The following CCSER2 variants were observed in gnomAD, a reference collection of about 807,000 sequenced individuals.
CCSER2 encodes the protein serine-rich coiled-coil domain-containing protein 2.
In CCSER2, 46 loss-of-function variants were observed where a neutral mutation model predicts 92.3. That is an observed-to-expected ratio of 0.50 (90% CI 0.39 to 0.64). CCSER2 has a LOEUF of 0.64. CCSER2 is among the 30% of genes least tolerant of loss of function. The pLI, the probability that CCSER2 is intolerant of heterozygous loss-of-function variation, is 0.00. For synonymous variants in CCSER2, 433 were observed against 431.4 expected (o/e 1.00, Z -0.04); for missense variants, 1,244 against 1,238.9 (o/e 1.00, Z -0.06).
At chr10:84,463,834 C>G (rs1223008433) in intron 6 of CCSER2, 99 bp from the exon 7 acceptor site, 3 of 740,706 alleles carry the variant, frequency 4.1e-6, no homozygotes, top group Non-Finnish European at 6.8e-6. Flanking sequence ...AGCATTTGGT[C>G]TTCACCATGC....
chr10:84,436,888 A>G (rs1407408305), intron 5 of CCSER2, among the ~76,000 whole-genome samples: 1 of 152,202 alleles, frequency 6.6e-6, no homozygotes, highest in Admixed American at 6.5e-5. Context: ...AGATGTGGGA[A>G]TATTTGTTAA....
At chr10:84,469,022 G>C (rs1316005320) in intron 7 of CCSER2, among the ~76,000 whole-genome samples, 4 of 152,074 alleles carry the variant, frequency 2.6e-5, no homozygotes, top group Non-Finnish European at 5.9e-5. Context: ...ATATTTGTGA[G>C]AACTGGCTAC....
chr10:84,454,011 G>A (rs895224160), intron 6 of CCSER2, among the ~76,000 whole-genome samples: 3 of 152,126 alleles, frequency 2.0e-5, no homozygotes, highest in Admixed American at 2.0e-4. Context: ...TTTTAGAGCT[G>A]CCATAACAGA....
chr10:84,408,946 C>CA (rs1842507854), intron 3 of CCSER2, among the ~76,000 whole-genome samples: 1 of 151,702 alleles, frequency 6.6e-6, no homozygotes, highest in African/African-American at 2.4e-5. Context: ...TACTGTAAAT[C>CA]AAAAAAATAA....
rs138838643 is a variant in CCSER2, at chr10:84,387,189, C to G, written c.1614+13374C>G. 2.4e-3 allele frequency among the ~76,000 whole-genome samples: 363 copies of G among 152,220 alleles called. 1 individual carries two copies. The highest frequency in any genetic ancestry group is 8.4e-3 in the African/African-American group (347 of 41,542). On this transcript the variant is annotated intron_variant, in intron 3 of 9. Coordinates refer to ENST00000372088, the MANE Select transcript of CCSER2 (RefSeq NM_001284240.2). ...GATTATTTATATTTTTCTTAATGCT[C>G]CCATCTATTCCTCCTTTAAGGCTGT...
At chr10:84,442,048 G>A (rs973235013) in intron 6 of CCSER2, among the ~76,000 whole-genome samples, 4 of 152,000 alleles carry the variant, frequency 2.6e-5, no homozygotes, top group African/African-American at 4.8e-5. Flanking sequence ...GAACCACCAC[G>A]CCTAGCCAAA....
chr10:84,414,618 T>C (rs1457147111), intron 3 of CCSER2, among the ~76,000 whole-genome samples: 1 of 152,040 alleles, frequency 6.6e-6, no homozygotes, highest in Non-Finnish European at 1.5e-5. Context: ...ATCTGATGTT[T>C]ATGTGTCTTG....
At chr10:84,455,884 A>G (rs1328315839) in intron 6 of CCSER2, 12 of 706,104 alleles carry the variant, frequency 1.7e-5, no homozygotes, top group East Asian at 1.7e-4. Context: ...CTGGCTTTTC[A>G]TTATCAAGAA....
At position 84,423,818 on chromosome 10, in the gene CCSER2, A is replaced by G. The variant is rs1843277536; in HGVS notation, c.1706-1913A>G. ...ATATAATACAAATATGAATTTATAT[A>G]TGATGTTGCTAAAGGCACTAAGCTA... is the stretch of plus-strand genomic sequence containing the variant. On this transcript the variant is annotated intron_variant, in intron 4 of 9. Coordinates refer to ENST00000372088, the MANE Select transcript of CCSER2 (RefSeq NM_001284240.2). 2.6e-5 allele frequency among the ~76,000 whole-genome samples: 4 copies of G among 152,192 alleles called. No homozygotes were observed. The South Asian group carries it at 8.3e-4, about 32-fold the overall frequency.
intron 9 of CCSER2, among the ~76,000 whole-genome samples, chr10:84,501,563 A>G (rs1259893952): frequency 6.6e-6 from 1 of 151,818 alleles, no homozygotes; most frequent in Non-Finnish European, 1.5e-5. Context: ...GTTTATTTGT[A>G]TAGCATTAGA....
At chr10:84,483,858 TCACTGCAA>T (rs1424173221) in intron 9 of CCSER2, among the ~76,000 whole-genome samples, 1 of 144,910 alleles carries the variant, frequency 6.9e-6, no homozygotes, top group Non-Finnish European at 1.5e-5. Context: ...TGATCTCAGC[TCACTGCAA>T]CATCTGCCTC....
Position 84,501,822 on chromosome 10 carries a change from G to GAAAA in CCSER2, c.2326-11617_2326-11614dup, listed in dbSNP as rs11461623. ...AGTTTGGATGTATTAGTCATCTAGGGAAAAAAAAAAAAATATATATATATA... is the reference window on the plus strand; with the variant it reads ...AGTTTGGATGTATTAGTCATCTAGGGAAAAAAAAAAAAAAAAATATATATATATA... On this transcript the variant is annotated intron_variant, in intron 9 of 9. Transcript: ENST00000372088. Among the ~76,000 whole-genome samples, 196 of 28,934 alleles carry GAAAA rather than the reference G, an allele frequency of 6.8e-3. 5 individuals are homozygous for GAAAA. The highest frequency in any genetic ancestry group is 0.021 in the Admixed American group (35 of 1,654). The allele number at this position is 28,934 out of a possible 152,430, so 19.0% of individuals were successfully genotyped here.
chr10:84,438,641 G>C lies in CCSER2; in HGVS notation c.1998G>C (p.Arg666=). ...NTVILDEMTL[R]HMVQDCTAVK... is the part of the protein sequence containing the mutation. The stretch of plus-strand genomic sequence containing the variant: ...TGATACTGGATGAGATGACCCTTCG[G>C]CACATGGTTCAGGATTGCACTGCTG... The change falls in exon 6 of 10, where the codon CGG becomes CGC. Residue 666 remains arginine (R), a synonymous_variant. Coordinates refer to ENST00000372088, the MANE Select transcript of CCSER2 (RefSeq NM_001284240.2). 4 of 1,613,842 alleles carry C rather than the reference G, an allele frequency of 2.5e-6. No homozygotes were observed. Among genetic ancestry groups the C allele is most frequent in the Non-Finnish European group, 3.4e-6 (4 of 1,179,792 alleles).
At chr10:84,347,417 C>T (rs1358038142) in intron 1 of CCSER2, among the ~76,000 whole-genome samples, 3 of 149,906 alleles carry the variant, frequency 2.0e-5, no homozygotes, top group Non-Finnish European at 4.5e-5. Context: ...GGTGCTGACC[C>T]CCCACCTCCC....
At chr10:84,494,098 A>G (rs1011361907) in intron 9 of CCSER2, among the ~76,000 whole-genome samples, 1 of 152,178 alleles carries the variant, frequency 6.6e-6, no homozygotes, top group Non-Finnish European at 1.5e-5. Flanking sequence ...AGTAGCTGTA[A>G]ATACAGATGA....
chr10:84,338,189 CA>C (rs1253201530), intron 1 of CCSER2, among the ~76,000 whole-genome samples: 2 of 151,470 alleles, frequency 1.3e-5, no homozygotes, highest in East Asian at 3.9e-4. Flanking sequence ...TGAGTTGAGG[CA>C]GGAGAATTGC....
chr10:84,486,869 G>A lies in CCSER2; in HGVS notation c.2325+9205G>A, dbSNP rs1400065802. Among the ~76,000 whole-genome samples the A allele has an allele frequency of 9.9e-5, 15 of 152,196 alleles. No individual in the cohort carries two copies. In the East Asian group the frequency reaches 2.9e-3, roughly 29 times the overall value. ...CTAGGCTTTCTTCTAGAGTTTTTAT[G>A]GTTTTAGGTCTAACATTTAAGTCTT... On this transcript the variant is annotated intron_variant, in intron 9 of 9. Coordinates refer to ENST00000372088, the MANE Select transcript of CCSER2 (RefSeq NM_001284240.2).
rs898724116 is a variant in CCSER2 at position 84,493,515 on chromosome 10, A to G, written c.2325+15851A>G. Reference sequence around the variant, plus strand: ...AAAGAAACAAAAGAATTGTTACTCCATAGACAGAGCCCTGAGGGCTGCTAG... The same window carrying G: ...AAAGAAACAAAAGAATTGTTACTCCGTAGACAGAGCCCTGAGGGCTGCTAG... On this transcript the variant is annotated intron_variant, in intron 9 of 9. Coordinates refer to ENST00000372088, the MANE Select transcript of CCSER2 (RefSeq NM_001284240.2). 3.9e-5 allele frequency among the ~76,000 whole-genome samples: 6 copies of G among 152,380 alleles called. No individual in the cohort carries two copies. The South Asian group carries it at 1.0e-3, about 26-fold the overall frequency.
At chr10:84,438,802 A>C in intron 6 of CCSER2, 95 bp downstream of exon 6, 4 of 740,000 alleles carry the variant, frequency 5.4e-6, no homozygotes, top group Non-Finnish European at 8.7e-6. Context: ...TGGGTTTCTC[A>C]TGTCTTTTTA....
Sources: gnomAD v4.1 joint callset for allele counts (sites outside exome capture counted in the v4.1 genomes callset) on GRCh38, gnomAD v4.1.1 for gene constraint, MANE v1.5 for transcripts, NCBI Gene and HGNC (gene_info 2026-07-23, HGNC 2026-07-21) for gene names.